SIRPB1: variants seen among roughly 807,000 people sequenced by gnomAD.
SIRPB1 encodes signal regulatory protein beta 1.
SIRPB1 carries 28 observed loss-of-function variants against 34.1 expected under a neutral mutation model. That is an observed-to-expected ratio of 0.82 (90% confidence interval 0.61 to 1.12). The LOEUF (loss-of-function observed/expected upper bound fraction) is 1.12, where lower values mean the gene tolerates loss of function less well. SIRPB1 is among the 50% of genes most tolerant of loss of function. The pLI, the probability that SIRPB1 is intolerant of heterozygous loss-of-function variation, is 0.00. For synonymous variants in SIRPB1, 211 were observed against 203.8 expected, an observed-to-expected ratio of 1.04 and a Z score of -0.30; for missense variants, 499 against 507.0, an observed-to-expected ratio of 0.98 and a Z score of 0.15.
rs1309586303 is a variant in SIRPB1, at chr20:1,585,335, A to T, written c.77-6641T>A. ...TACAAAATGGGAGAAGATATTTTCA[A>T]ACCATACATCTGATGAAGAGTTAAT... On this transcript the variant is annotated intron_variant, in intron 1 of 5. Transcript: ENST00000381605. 2.0e-4 allele frequency among the ~76,000 whole-genome samples: 10 copies of T among 49,028 alleles called. 5 individuals are homozygous for T. The highest frequency in any genetic ancestry group is 1.3e-3 in the African/African-American group (10 of 7,464). 32.2% of individuals were successfully genotyped at this position (49,028 alleles called of 152,430 possible). A position where few individuals can be genotyped will look rare whatever the true frequency, so the allele number is the denominator to read the frequency against.
intron 1 of SIRPB1, among the ~76,000 whole-genome samples, chr20:1,618,105 A>C (rs2091657538): frequency 6.6e-6 from 1 of 152,222 alleles, no homozygotes; most frequent in Admixed American, 6.5e-5. Context: ...TGTGTATTAA[A>C]TAAAATTACA....
At chr20:1,617,654 C>T (rs2091649428) in intron 1 of SIRPB1, among the ~76,000 whole-genome samples, 1 of 152,088 alleles carries the variant, frequency 6.6e-6, no homozygotes, top group African/African-American at 2.4e-5. Flanking sequence ...AATTCGTAAC[C>T]TCAAAAATTG....
intron 3 of SIRPB1, 34 bp downstream of exon 3, chr20:1,571,686 G>A (rs199938839): frequency 1.2e-6 from 2 of 1,612,498 alleles, no homozygotes; most frequent in Admixed American, 1.7e-5. Context: ...TGGCAGCCAG[G>A]TGTGGGCTTG....
In SIRPB1 at chr20:1,619,939, G is replaced by C; in HGVS notation, c.6C>G (p.Pro2=). ...GAAGGTGGGGCCAGGAGGCTGGCAC[G>C]GGCATTCTGGAGACCTTAGGAGCCT... The part of the protein sequence containing the change: M[P]VPASWPHLPS... The change falls in exon 1 of 6, where the codon CCC becomes CCG. Residue 2 remains proline (P), a synonymous_variant. Transcript: ENST00000381605. The C allele has an allele frequency of 1.2e-6, 2 of 1,613,448 alleles. No individual in the cohort carries two copies. Among genetic ancestry groups the C allele is most frequent in the East Asian group, 4.5e-5 (2 of 44,870 alleles).
chr20:1,571,211 C>T (rs2122188815), intron 3 of SIRPB1, 74 bp from the exon 4 acceptor site: 1 of 1,426,128 alleles, frequency 7.0e-7, no homozygotes, highest in Non-Finnish European at 9.6e-7. Context: ...TAACGTAGCT[C>T]CCACCAACAC....
In SIRPB1 at chr20:1,578,329, T is replaced by G; in HGVS notation, c.433+9A>C. 6.3e-7 allele frequency: 1 copy of G among 1,582,226 alleles called. No homozygotes were observed. The highest frequency in any genetic ancestry group is 8.7e-7 in the Non-Finnish European group (1 of 1,155,824). ...ACCAGGGGACAAAGGAGGCCCACGC[T>G]GTACTCACCGCGCACAGACAGCTCA... is the stretch of plus-strand genomic sequence containing the variant. On this transcript the variant is annotated intron_variant, in intron 2 of 5. Coordinates refer to ENST00000381605, the MANE Select transcript of SIRPB1 (RefSeq NM_006065.5).
At chr20:1,568,786 A>G (rs1337551531) in intron 4 of SIRPB1, among the ~76,000 whole-genome samples, 1 of 152,122 alleles carries the variant, frequency 6.6e-6, no homozygotes, top group African/African-American at 2.4e-5. Flanking sequence ...GGCAAAGTAA[A>G]CCCAAAGAAA....
At position 1,587,761 on chromosome 20, in the gene SIRPB1, A is replaced by C. The variant is rs1185470708; in HGVS notation, c.77-9067T>G. 4.1e-5 allele frequency among the ~76,000 whole-genome samples: 2 copies of C among 48,894 alleles called. 1 individual carries two copies. The highest frequency in any genetic ancestry group is 2.7e-4 in the African/African-American group (2 of 7,384). The allele number at this position is 48,894 out of a possible 152,430, so 32.1% of individuals were successfully genotyped here. A position where few individuals can be genotyped will look rare whatever the true frequency, so the allele number is the denominator to read the frequency against. ...AGAGGAGATGAGGACACAGACACAC[A>C]CACAGAGGGAAGACCATGGGTTGAG... is the stretch of plus-strand genomic sequence containing the variant. On this transcript the variant is annotated intron_variant, in intron 1 of 5. Transcript: ENST00000381605.
In SIRPB1 at chr20:1,609,702, A is replaced by G. The variant is rs1185063379; in HGVS notation, c.76+10167T>C. The stretch of plus-strand genomic sequence containing the variant: ...TAATCTGAGCACTCTGGGAGGCTAA[A>G]GTGGGTGGATCACCTGAGGTTGAGA... On this transcript the variant is annotated intron_variant, in intron 1 of 5. Coordinates refer to ENST00000381605, the MANE Select transcript of SIRPB1 (RefSeq NM_006065.5). 2.7e-5 allele frequency among the ~76,000 whole-genome samples: 2 copies of G among 72,810 alleles called. 1 individual carries two copies. Among genetic ancestry groups the G allele is most frequent in the Admixed American group, 2.2e-4 (2 of 8,904 alleles). The allele number at this position is 72,810 out of a possible 152,430, so 47.8% of individuals were successfully genotyped here. A position where few individuals can be genotyped will look rare whatever the true frequency, so the allele number is the denominator to read the frequency against.
In SIRPB1 at chr20:1,601,768, C is replaced by T. The variant is rs528865755; in HGVS notation, c.76+18101G>A. ...ATAGATGGTGCAGATTCATCTCTTC[C>T]GGCTCCTCCTTGAGAAGTACAACTA... On this transcript the variant is annotated intron_variant, in intron 1 of 5. Coordinates refer to ENST00000381605, the MANE Select transcript of SIRPB1 (RefSeq NM_006065.5). Among the ~76,000 whole-genome samples the T allele has an allele frequency of 4.5e-4, 22 of 48,602 alleles. 11 individuals carry two copies. Among genetic ancestry groups the T allele is most frequent in the Admixed American group, 8.3e-4 (6 of 7,198 alleles). The allele number at this position is 48,602 out of a possible 152,430, so 31.9% of individuals were successfully genotyped here.
intron 1 of SIRPB1, chr20:1,591,812 G>A (rs2091442751): frequency 2.0e-5 from 1 of 49,572 alleles, no homozygotes; most frequent in Non-Finnish European, 3.9e-5. Flanking sequence ...AGTGCTGTGA[G>A]TGATATGTGC....
rs77462482 is a variant in SIRPB1 at position 1,572,003 on chromosome 20, C to T, written c.468G>A (p.Ala156=). ...KPSAPVVSGP[A]VRATPEHTVS... ...CTGTGTGCTCAGGTGTGGCCCTCACCGCAGGGCCCGATACCACGGGGGCAG... is the reference window on the plus strand; with the variant it reads ...CTGTGTGCTCAGGTGTGGCCCTCACTGCAGGGCCCGATACCACGGGGGCAG... The change falls in exon 3 of 6, where the codon GCG becomes GCA. Residue 156 remains alanine (A), a synonymous_variant. Transcript: ENST00000381605. The T allele has an allele frequency of 1.1e-3, 1,774 of 1,613,934 alleles. 10 individuals carry two copies. In the East Asian group the frequency reaches 0.013, roughly 12 times the overall value.
At chr20:1,571,266 C>A (rs1175854300) in intron 3 of SIRPB1, 129 bp from the exon 4 acceptor site, 2 of 991,772 alleles carry the variant, frequency 2.0e-6, no homozygotes, top group African/African-American at 3.3e-5. Flanking sequence ...AGCAGGTGCT[C>A]AGACATTGAG....
In SIRPB1 at chr20:1,562,775, G is replaced by T. The variant is rs918335861; in HGVS notation, c.*2725C>A. Among the ~76,000 whole-genome samples the T allele has an allele frequency of 2.0e-5, 3 of 152,162 alleles. No individual in the cohort carries two copies. Among genetic ancestry groups the T allele is most frequent in the South Asian group, 2.1e-4 (1 of 4,828 alleles). ...CTCAAACAGCAAATCCTATAGTTGG[G>T]TTGCCTCCTTGCCTCCCAGTGATGA... is the stretch of plus-strand genomic sequence containing the variant. On this transcript the variant is annotated 3_prime_UTR_variant, in exon 6 of 6. Transcript: ENST00000381605.
intron 4 of SIRPB1, among the ~76,000 whole-genome samples, chr20:1,567,329 C>T (rs2091153925): frequency 6.6e-6 from 1 of 152,050 alleles, no homozygotes; most frequent in African/African-American, 2.4e-5. Flanking sequence ...CCCTTCCCCT[C>T]AATTTGAAAA....
chr20:1,617,353 C>T (rs931150306), intron 1 of SIRPB1, among the ~76,000 whole-genome samples: 1 of 152,138 alleles, frequency 6.6e-6, no homozygotes, highest in Admixed American at 6.5e-5. Context: ...TCTAATCAGC[C>T]TGACCAAAGA....
rs1408137185 is a variant in SIRPB1 at position 1,578,492 on chromosome 20, T to C, written c.279A>G (p.Ser93=). The change falls in exon 2 of 6, where the codon TCA becomes TCG. Residue 93 remains serine, a synonymous_variant. Coordinates refer to ENST00000381605, the MANE Select transcript of SIRPB1 (RefSeq NM_006065.5). ...CCAGGTTGTTTCTCTTTGTGAGTTCTGAAACAGTTGTTACCCGTGGGAAGT... is the reference window on the plus strand; with the variant it reads ...CCAGGTTGTTTCTCTTTGTGAGTTCCGAAACAGTTGTTACCCGTGGGAAGT... ...EGHFPRVTTV[S]ELTKRNNLDF... 1 of 1,584,026 alleles carries C rather than the reference T, an allele frequency of 6.3e-7. No homozygotes were observed. The highest frequency in any genetic ancestry group is 8.6e-7 in the Non-Finnish European group (1 of 1,157,796).
chr20:1,616,045 TA>T (rs1298369158), intron 1 of SIRPB1, among the ~76,000 whole-genome samples: 3 of 152,126 alleles, frequency 2.0e-5, no homozygotes, highest in Non-Finnish European at 4.4e-5. Context: ...CAAAAAAAGC[TA>T]TAACACCCTG....
At chr20:1,618,878 T>C (rs1157734818) in intron 1 of SIRPB1, among the ~76,000 whole-genome samples, 1 of 152,262 alleles carries the variant, frequency 6.6e-6, no homozygotes, top group Non-Finnish European at 1.5e-5. Flanking sequence ...GTACCTGTTA[T>C]GGGCTGAATG....
Sources: allele counts gnomAD v4.1 joint callset (sites outside exome capture counted in the v4.1 genomes callset), GRCh38; gene constraint gnomAD v4.1.1; transcripts MANE v1.5; gene names NCBI Gene and HGNC (gene_info 2026-07-23, HGNC 2026-07-21).